KLHL20: variants seen among roughly 807,000 people sequenced by gnomAD.
The protein encoded by KLHL20 is kelch like family member 20, also known as kelch-like protein 20.
KLHL20 carries 29 observed loss-of-function variants against 69.5 expected under a neutral mutation model. That is an observed-to-expected ratio of 0.42 (90% CI 0.31 to 0.57). KLHL20 has a LOEUF of 0.57. KLHL20 is among the 20% of genes least tolerant of loss of function. KLHL20 has a pLI of 0.18. For missense variants in KLHL20, 419 were observed against 776.0 expected (o/e 0.54, Z 5.47); for synonymous variants, 253 against 265.2 (o/e 0.95, Z 0.45).
At chr1:173,719,115 A>AAAAAAAAAAAAG (rs1671603454) in intron 2 of KLHL20, among the ~76,000 whole-genome samples, 1 of 151,836 alleles carries the variant, frequency 6.6e-6, no homozygotes, top group East Asian at 1.9e-4. Context: ...AAAAAAAAAA[A>AAAAAAAAAAAAG]GAAAAATTAT....
chr1:173,725,263 A>G (rs956373219), intron 2 of KLHL20, among the ~76,000 whole-genome samples: 3 of 152,220 alleles, frequency 2.0e-5, no homozygotes, highest in African/African-American at 7.2e-5. Flanking sequence ...AAATATTCAC[A>G]GTACCTCAGG....
chr1:173,768,823 C>T (rs1268814109), intron 8 of KLHL20, among the ~76,000 whole-genome samples: 1 of 152,212 alleles, frequency 6.6e-6, no homozygotes, highest in Non-Finnish European at 1.5e-5. Flanking sequence ...AATATCCTCA[C>T]AAACTCCAAA....
At chr1:173,778,363 C>G (rs940175019) in intron 10 of KLHL20, among the ~76,000 whole-genome samples, 1 of 152,088 alleles carries the variant, frequency 6.6e-6, no homozygotes, top group East Asian at 1.9e-4. Context: ...GGGTCTGGCT[C>G]TGTCACCAAG....
intron 3 of KLHL20, among the ~76,000 whole-genome samples, chr1:173,747,114 T>G (rs1023400575): frequency 2.6e-5 from 4 of 152,042 alleles, no homozygotes; most frequent in African/African-American, 9.6e-5. Context: ...TAACCTAATA[T>G]ATGATCAATT....
intron 7 of KLHL20, 96 bp downstream of exon 7, chr1:173,757,255 G>T (rs1032652001): frequency 1.3e-5 from 15 of 1,192,396 alleles, no homozygotes; most frequent in Middle Eastern, 2.2e-4. Flanking sequence ...CTTTAGTATT[G>T]CATCTGTGGC....
intron 3 of KLHL20, among the ~76,000 whole-genome samples, chr1:173,748,030 ATAT>A (rs1257702955): frequency 2.0e-4 from 29 of 148,180 alleles, no homozygotes; most frequent in South Asian, 1.9e-3. Flanking sequence ...TGATGAGGAA[ATAT>A]TATGAACAAC....
At chr1:173,748,398 T>C (rs547310102) in intron 3 of KLHL20, among the ~76,000 whole-genome samples, 17 of 152,150 alleles carry the variant, frequency 1.1e-4, no homozygotes, top group Non-Finnish European at 2.1e-4. Flanking sequence ...TATTAGTAAA[T>C]TAATTCCAAC....
At chr1:173,733,468 C>A (rs1409726691) in intron 2 of KLHL20, among the ~76,000 whole-genome samples, 1 of 151,978 alleles carries the variant, frequency 6.6e-6, no homozygotes, top group Non-Finnish European at 1.5e-5. Context: ...TTTATGTAGA[C>A]CAGGCATGTT....
At chr1:173,774,557 TTTTTC>T in intron 9 of KLHL20, 119 bp downstream of exon 9, 1 of 1,129,916 alleles carries the variant, frequency 8.9e-7, no homozygotes, top group African/African-American at 1.5e-5. Context: ...AAATGCCTGA[TTTTTC>T]CCTCCAGCAG....
chr1:173,738,927 T>G (rs180737869), intron 3 of KLHL20, among the ~76,000 whole-genome samples: 36 of 152,330 alleles, frequency 2.4e-4, no homozygotes, highest in Non-Finnish European at 2.4e-4. Context: ...GCATCTATGT[T>G]CATCAGGGAT....
chr1:173,775,897 G>A, intron 10 of KLHL20, 55 bp downstream of exon 10: 1 of 1,458,208 alleles, frequency 6.9e-7, no homozygotes, highest in South Asian at 1.1e-5. Flanking sequence ...TAATAGTGCT[G>A]CAATAAACAT....
chr1:173,741,650 G>A, intron 3 of KLHL20: 1 of 546,362 alleles, frequency 1.8e-6, no homozygotes, highest in Non-Finnish European at 2.9e-6. Flanking sequence ...GTCCTTTCTG[G>A]TGGTGATGAC....
chr1:173,754,600 A>C lies in KLHL20; in HGVS notation c.851+1293A>C, dbSNP rs1314143151. Among the ~76,000 whole-genome samples, 11 of 152,042 alleles carry C rather than the reference A, an allele frequency of 7.2e-5. No individual in the cohort carries two copies. In the East Asian group the frequency reaches 2.1e-3, roughly 29 times the overall value. Reference sequence around the variant, plus strand: ...ACTCAGTCTCAAAAAAAAAAAAAAAAAACACACAGACAAATGGCAATTAAT... The same window carrying C: ...ACTCAGTCTCAAAAAAAAAAAAAAACAACACACAGACAAATGGCAATTAAT... On this transcript the variant is annotated intron_variant, in intron 5 of 11. Transcript: ENST00000209884.
At chr1:173,729,591 T>G (rs989656043) in intron 2 of KLHL20, among the ~76,000 whole-genome samples, 15 of 152,084 alleles carry the variant, frequency 9.9e-5, no homozygotes, top group Non-Finnish European at 4.4e-5. Flanking sequence ...ATAAACATAA[T>G]CAGTTACATA....
rs182598380 is a variant in KLHL20, at chr1:173,760,343, A to C, written c.1151+3184A>C. Among the ~76,000 whole-genome samples the C allele has an allele frequency of 2.8e-4, 42 of 152,312 alleles. No homozygotes were observed. In the Middle Eastern group the frequency reaches 0.01, roughly 37 times the overall value. On this transcript the variant is annotated intron_variant, in intron 7 of 11. Transcript: ENST00000209884. ...ATCCCCAGCCTTGTGAGAGACCTAA[A>C]CATCCAAATACAGGAAGCACAAAGA... is the stretch of plus-strand genomic sequence containing the variant.
chr1:173,769,891 A>C (rs1184430972), intron 8 of KLHL20, among the ~76,000 whole-genome samples: 1 of 152,078 alleles, frequency 6.6e-6, no homozygotes, highest in Non-Finnish European at 1.5e-5. Flanking sequence ...TATATGCCCA[A>C]AAGTTAAAAA....
At chr1:173,721,852 C>T (rs1199933316) in intron 2 of KLHL20, among the ~76,000 whole-genome samples, 1 of 152,156 alleles carries the variant, frequency 6.6e-6, no homozygotes, top group Non-Finnish European at 1.5e-5. Flanking sequence ...CCAGCTGTCT[C>T]TATTCAAGTA....
At chr1:173,762,422 A>G (rs1331227571) in intron 7 of KLHL20, among the ~76,000 whole-genome samples, 1 of 152,194 alleles carries the variant, frequency 6.6e-6, no homozygotes, top group Non-Finnish European at 1.5e-5. Flanking sequence ...AGGAAAGGAC[A>G]TAACTAAAAA....
At chr1:173,723,434 AAAG>A (rs1231562602) in intron 2 of KLHL20, among the ~76,000 whole-genome samples, 1 of 152,258 alleles carries the variant, frequency 6.6e-6, no homozygotes, top group African/African-American at 2.4e-5. Context: ...TTGTTGGAGA[AAAG>A]AAGAACCATG....
Sources: gnomAD v4.1 joint callset for allele counts (sites outside exome capture counted in the v4.1 genomes callset) on GRCh38, gnomAD v4.1.1 for gene constraint, MANE v1.5 for transcripts, NCBI Gene and HGNC (gene_info 2026-07-23, HGNC 2026-07-21) for gene names.